The following ENTREP2 variants were observed in gnomAD, a reference collection of about 807,000 sequenced individuals.
ENTREP2 encodes the protein endosomal transmembrane epsin interactor 2, also known as protein ENTREP2.
At chr15:29,316,421 A>T in the ENTREP2 span, among the ~76,000 whole-genome samples, 3 of 152,186 alleles carry the variant, frequency 2.0e-5, no homozygotes, top group African/African-American at 4.8e-5. Context: ...AGAAATTTGA[A>T]CATGAGGTAT....
At chr15:29,590,726 T>C in the ENTREP2 span, among the ~76,000 whole-genome samples, 3 of 145,942 alleles carry the variant, frequency 2.1e-5, no homozygotes, top group Non-Finnish European at 3.0e-5. Context: ...AAAAATACAC[T>C]TGAAGGGGAG....
chr15:29,433,100 G>A, the ENTREP2 span, among the ~76,000 whole-genome samples: 1 of 152,142 alleles, frequency 6.6e-6, no homozygotes, highest in Middle Eastern at 3.2e-3. Context: ...ATGAGCCAAG[G>A]AACCTGCCTG....
At chr15:29,381,914 C>A in the ENTREP2 span, 2 of 1,275,574 alleles carry the variant, frequency 1.6e-6, no homozygotes, top group Non-Finnish European at 1.1e-6. Flanking sequence ...CGTTTCAACC[C>A]GGAGAAGGAC....
chr15:29,475,976 C>G, the ENTREP2 span, among the ~76,000 whole-genome samples: 1 of 152,204 alleles, frequency 6.6e-6, no homozygotes, highest in African/African-American at 2.4e-5. Context: ...AAGAAATATT[C>G]ACAGACAAGA....
chr15:29,556,939 G>A, the ENTREP2 span, among the ~76,000 whole-genome samples: 139 of 152,262 alleles, frequency 9.1e-4, 1 homozygote, highest in African/African-American at 3.2e-3. Context: ...CCAAAGGGGT[G>A]GATATTCCGC....
chr15:29,481,997 C>G, the ENTREP2 span, among the ~76,000 whole-genome samples: 1 of 151,596 alleles, frequency 6.6e-6, no homozygotes, highest in African/African-American at 2.4e-5. Flanking sequence ...TTTTTCTTTT[C>G]TTTCTTTCTT....
chr15:29,559,017 A>AT, the ENTREP2 span, among the ~76,000 whole-genome samples: 8 of 152,048 alleles, frequency 5.3e-5, no homozygotes, highest in Non-Finnish European at 1.2e-4. Flanking sequence ...TTACACGTGG[A>AT]TTTTCAACTG....
chr15:29,343,572 C>T, the ENTREP2 span, among the ~76,000 whole-genome samples: 6 of 77,358 alleles, frequency 7.8e-5, no homozygotes, highest in South Asian at 2.9e-3. Flanking sequence ...AAAAACCAGG[C>T]GCTCTCTCTC....
chr15:29,120,037 G>A, the ENTREP2 span, among the ~76,000 whole-genome samples: 32 of 152,264 alleles, frequency 2.1e-4, 1 homozygote, highest in African/African-American at 6.3e-4. Flanking sequence ...CATGGCCAGC[G>A]TGGACGGGCG....
the ENTREP2 span, among the ~76,000 whole-genome samples, chr15:29,432,108 T>C: frequency 6.6e-6 from 1 of 152,230 alleles, no homozygotes; most frequent in Non-Finnish European, 1.5e-5. Context: ...GTGGATTGTG[T>C]TAAATATAAA....
the ENTREP2 span, chr15:29,268,707 G>A: frequency 7.2e-7 from 1 of 1,383,176 alleles, no homozygotes; most frequent in Non-Finnish European, 9.8e-7. Context: ...ATGCTCCCTG[G>A]GTTCGTTCTC....
chr15:29,422,326 T>C, the ENTREP2 span, among the ~76,000 whole-genome samples: 2 of 152,068 alleles, frequency 1.3e-5, no homozygotes, highest in Admixed American at 6.5e-5. Context: ...GGCCACTGAC[T>C]GGTGCTGAGC....
the ENTREP2 span, among the ~76,000 whole-genome samples, chr15:29,154,381 A>G: frequency 6.6e-6 from 1 of 152,174 alleles, no homozygotes; most frequent in African/African-American, 2.4e-5. Context: ...TTAGAGGGTA[A>G]ACTTGATGGA....
the ENTREP2 span, among the ~76,000 whole-genome samples, chr15:29,299,127 T>G: frequency 6.6e-6 from 1 of 152,216 alleles, no homozygotes; most frequent in Non-Finnish European, 1.5e-5. Flanking sequence ...ATTTTATGAT[T>G]ATGTGACAGA....
chr15:29,153,763 T>G, the ENTREP2 span, among the ~76,000 whole-genome samples: 2 of 152,234 alleles, frequency 1.3e-5, no homozygotes, highest in Admixed American at 1.3e-4. Context: ...TTCTCCCATT[T>G]TTTTCTGAAA....
the ENTREP2 span, among the ~76,000 whole-genome samples, chr15:29,583,895 A>T: frequency 6.6e-6 from 1 of 152,186 alleles, no homozygotes; most frequent in Admixed American, 6.5e-5. Flanking sequence ...CTCAAAATCC[A>T]TGAAAGGCCT....
At chr15:29,366,548 A>C in the ENTREP2 span, among the ~76,000 whole-genome samples, 1 of 152,122 alleles carries the variant, frequency 6.6e-6, no homozygotes, top group Non-Finnish European at 1.5e-5. Flanking sequence ...AGAACATTCC[A>C]TGTCCCCAGA....
chr15:29,570,741 C>G, the ENTREP2 span: 1 of 952,168 alleles, frequency 1.1e-6, no homozygotes, highest in South Asian at 4.8e-5. Flanking sequence ...GGCGCCCGCA[C>G]GCCTCGCCCG....
the ENTREP2 span, among the ~76,000 whole-genome samples, chr15:29,656,781 A>G: frequency 6.6e-6 from 1 of 152,104 alleles, no homozygotes; most frequent in African/African-American, 2.4e-5. Context: ...GCCACTCTGA[A>G]AAACAGTTCG....
Sources: gnomAD v4.1 joint callset for allele counts (sites outside exome capture counted in the v4.1 genomes callset) on GRCh38, gnomAD v4.1.1 for gene constraint, MANE v1.5 for transcripts, NCBI Gene and HGNC (gene_info 2026-07-23, HGNC 2026-07-21) for gene names.